Variants in CADM2 observed in about 807,000 individuals in gnomAD.
CADM2 encodes the protein immunoglobulin superfamily member 4D.
Under a neutral mutation model 49.8 loss-of-function variants are expected in CADM2, and 12 were observed. The ratio of observed to expected loss-of-function variants is 0.24; its 90% CI spans 0.15 to 0.39. The LOEUF (loss-of-function observed/expected upper bound fraction) is 0.39, where lower values mean the gene tolerates loss of function less well. Ranked by LOEUF, CADM2 falls within the 10% of genes least tolerant of loss-of-function variation. The pLI, the probability that CADM2 is intolerant of heterozygous loss-of-function variation, is 1.00. For missense variants in CADM2, 378 were observed against 492.3 expected, an observed-to-expected ratio of 0.77 and a Z score of 2.20; for synonymous variants, 214 against 175.4, an observed-to-expected ratio of 1.22 and a Z score of -1.74.
At position 85,040,549 on chromosome 3, in the gene CADM2, G is replaced by A. The variant is rs377045835; in HGVS notation, c.61+80881G>A. Reference sequence around the variant, plus strand: ...AAAAAAAAAAGCCAAGGGGCTAGTCGCTAGAGGAGAATTAAGCCATCTCAA... The same window carrying A: ...AAAAAAAAAAGCCAAGGGGCTAGTCACTAGAGGAGAATTAAGCCATCTCAA... On this transcript the variant is annotated intron_variant, in intron 1 of 9. Coordinates refer to ENST00000383699, the MANE Select transcript of CADM2 (RefSeq NM_001167675.2). Among the ~76,000 whole-genome samples the A allele has an allele frequency of 8.0e-5, 12 of 149,760 alleles. No individual in the cohort carries two copies. In the East Asian group the frequency reaches 1.6e-3, roughly 19 times the overall value.
At chr3:85,846,696 C>A (rs1387965203) in intron 3 of CADM2, among the ~76,000 whole-genome samples, 3 of 151,866 alleles carry the variant, frequency 2.0e-5, no homozygotes, top group Non-Finnish European at 2.9e-5. Flanking sequence ...GTCAAACTCT[C>A]TCTACAGATT....
chr3:85,951,947 G>A (rs927407277), intron 7 of CADM2, among the ~76,000 whole-genome samples: 1 of 151,010 alleles, frequency 6.6e-6, no homozygotes, highest in South Asian at 2.1e-4. Context: ...GACTGGCTAA[G>A]GAGGGAAGTG....
intron 1 of CADM2, among the ~76,000 whole-genome samples, chr3:85,485,904 A>G (rs546671911): frequency 6.6e-6 from 1 of 152,206 alleles, no homozygotes; most frequent in South Asian, 2.1e-4. Flanking sequence ...TACTGTTTCA[A>G]AATTCGAAGA....
Position 85,033,658 on chromosome 3 carries a change from G to A in CADM2, c.61+73990G>A, listed in dbSNP as rs924202439. Among the ~76,000 whole-genome samples, 4 of 152,254 alleles carry A rather than the reference G, an allele frequency of 2.6e-5. No individual in the cohort carries two copies. The South Asian group carries it at 6.2e-4, about 24-fold the overall frequency. On this transcript the variant is annotated intron_variant, in intron 1 of 9. Transcript: ENST00000383699. ...AAAGGGAAACTATGTAGTAGAGAAAGGAGTGAGAGAAAAGCAAGGGAAAGA... is the reference window on the plus strand; with the variant it reads ...AAAGGGAAACTATGTAGTAGAGAAAAGAGTGAGAGAAAAGCAAGGGAAAGA...
chr3:85,093,287 G>C (rs572724674), intron 1 of CADM2, among the ~76,000 whole-genome samples: 42 of 151,984 alleles, frequency 2.8e-4, no homozygotes, highest in Non-Finnish European at 5.6e-4. Context: ...TTGGGAGGCC[G>C]AGGTGGGCAG....
intron 1 of CADM2, among the ~76,000 whole-genome samples, chr3:85,067,612 T>C (rs1225772155): frequency 6.6e-6 from 1 of 152,170 alleles, no homozygotes; most frequent in Non-Finnish European, 1.5e-5. Context: ...CTATCACTAA[T>C]GCTCAATTAC....
At chr3:85,493,967 A>T (rs1338306687) in intron 1 of CADM2, among the ~76,000 whole-genome samples, 7 of 152,226 alleles carry the variant, frequency 4.6e-5, no homozygotes, top group African/African-American at 1.7e-4. Context: ...CTCAAATGTG[A>T]CAGCACAACA....
intron 1 of CADM2, among the ~76,000 whole-genome samples, chr3:85,617,726 G>T (rs992521362): frequency 1.3e-5 from 2 of 152,112 alleles, no homozygotes; most frequent in African/African-American, 4.8e-5. Context: ...CCAAGGGGCT[G>T]CCAACCACCA....
chr3:85,391,338 A>G (rs1201542112), intron 1 of CADM2, among the ~76,000 whole-genome samples: 1 of 152,092 alleles, frequency 6.6e-6, no homozygotes, highest in East Asian at 1.9e-4. Flanking sequence ...GAAGAATGCT[A>G]AAGAGTGATA....
intron 1 of CADM2, among the ~76,000 whole-genome samples, chr3:85,029,428 A>G (rs1265262560): frequency 6.6e-6 from 1 of 152,234 alleles, no homozygotes; most frequent in Non-Finnish European, 1.5e-5. Context: ...TCTTTCTCTT[A>G]AATGATGTCC....
At chr3:84,975,501 G>A (rs62250579) in intron 1 of CADM2, among the ~76,000 whole-genome samples, 5,570 of 151,382 alleles carry the variant, frequency 0.037, 200 homozygotes, top group Admixed American at 0.096. Flanking sequence ...ATGAAAACCC[G>A]GATATAAAGT....
intron 1 of CADM2, among the ~76,000 whole-genome samples, chr3:85,027,145 C>T (rs2034769575): frequency 1.2e-5 from 1 of 86,642 alleles, no homozygotes; most frequent in African/African-American, 5.5e-5. Flanking sequence ...GACGGAGTCT[C>T]GCTCTTTCAC....
intron 1 of CADM2, among the ~76,000 whole-genome samples, chr3:85,235,365 A>G (rs1216020903): frequency 6.6e-6 from 1 of 152,104 alleles, no homozygotes; most frequent in African/African-American, 2.4e-5. Flanking sequence ...TTTGTACTGC[A>G]AACCTAAATA....
intron 2 of CADM2, among the ~76,000 whole-genome samples, chr3:85,740,169 TTTTCTAAGGAA>T (rs2068321529): frequency 6.6e-6 from 1 of 152,204 alleles, no homozygotes; most frequent in Non-Finnish European, 1.5e-5. Flanking sequence ...TCACATTTTG[TTTTCTAAGGAA>T]TTTGGTAAAC....
intron 1 of CADM2, among the ~76,000 whole-genome samples, chr3:85,308,339 AC>A (rs1345487173): frequency 2.8e-4 from 42 of 150,034 alleles, no homozygotes; most frequent in African/African-American, 1.0e-3. Flanking sequence ...ACACACACAC[AC>A]AACACTCCAT....
At chr3:85,050,569 T>A (rs2035844971) in intron 1 of CADM2, among the ~76,000 whole-genome samples, 1 of 152,146 alleles carries the variant, frequency 6.6e-6, no homozygotes, top group Admixed American at 6.5e-5. Flanking sequence ...TATATGCATT[T>A]TAAAATTGAG....
intron 8 of CADM2, among the ~76,000 whole-genome samples, chr3:86,058,296 T>C (rs949028623): frequency 3.3e-5 from 5 of 152,172 alleles, no homozygotes; most frequent in Non-Finnish European, 7.4e-5. Context: ...AGGAAACCTA[T>C]ATTTTTCCAC....
chr3:85,957,524 A>C (rs753123010), intron 7 of CADM2, among the ~76,000 whole-genome samples: 2 of 151,820 alleles, frequency 1.3e-5, no homozygotes, highest in South Asian at 4.1e-4. Flanking sequence ...TGACCACCAA[A>C]ATGTGTGTTA....
At chr3:85,123,680 CATAT>C (rs1182133414) in intron 1 of CADM2, among the ~76,000 whole-genome samples, 1 of 151,998 alleles carries the variant, frequency 6.6e-6, no homozygotes. Flanking sequence ...TTTAATTAAA[CATAT>C]ATATTTATAT....
Sources: allele counts gnomAD v4.1 joint callset (sites outside exome capture counted in the v4.1 genomes callset), GRCh38; gene constraint gnomAD v4.1.1; transcripts MANE v1.5; gene names NCBI Gene and HGNC (gene_info 2026-07-23, HGNC 2026-07-21).